LRBA: variants seen among roughly 807,000 people sequenced by gnomAD.
LRBA encodes lipopolysaccharide-responsive and beige-like anchor protein.
A neutral mutation model predicts 330.0 loss-of-function variants in LRBA; 176 were observed. The observed-to-expected ratio is 0.53, with a 90% CI of 0.47 to 0.60. LRBA has a LOEUF of 0.60. Ranked by LOEUF, LRBA falls within the 20% of genes least tolerant of loss-of-function variation. The pLI, the probability that LRBA is intolerant of heterozygous loss-of-function variation, is 0.00. For missense variants in LRBA, 3,259 were observed against 3,444.8 expected (o/e 0.95, Z 1.35); for synonymous variants, 1,230 against 1,193.0 (o/e 1.03, Z -0.64).
rs138067771 is a variant in LRBA at position 150,968,417 on chromosome 4, G to A, written c.217-39352C>T. Among the ~76,000 whole-genome samples the A allele has an allele frequency of 5.1e-3, 784 of 152,338 alleles. 5 individuals carry two copies. Among genetic ancestry groups the A allele is most frequent in the African/African-American group, 0.017 (719 of 41,582 alleles). On this transcript the variant is annotated intron_variant, in intron 2 of 56. Coordinates refer to ENST00000651943, the MANE Select transcript of LRBA (RefSeq NM_001364905.1). ...CTTGTGCCAAAATCCAAGTGTGAATGCAAAGGGAAAGTTCTTGAAGGAAAT... is the reference window on the plus strand; with the variant it reads ...CTTGTGCCAAAATCCAAGTGTGAATACAAAGGGAAAGTTCTTGAAGGAAAT...
intron 47 of LRBA, among the ~76,000 whole-genome samples, chr4:150,402,513 C>T (rs962976429): frequency 2.6e-5 from 4 of 152,028 alleles, no homozygotes; most frequent in African/African-American, 9.7e-5. Flanking sequence ...AAACCAGGTA[C>T]TATAGTCACG....
chr4:150,874,058 T>C (rs1753735788), intron 17 of LRBA, among the ~76,000 whole-genome samples: 1 of 152,190 alleles, frequency 6.6e-6, no homozygotes, highest in Non-Finnish European at 1.5e-5. Flanking sequence ...TTAAACCTTT[T>C]AAAAGAAATA....
chr4:150,477,970 G>C (rs1756900003), intron 42 of LRBA, among the ~76,000 whole-genome samples: 1 of 151,968 alleles, frequency 6.6e-6, no homozygotes, highest in South Asian at 2.1e-4. Context: ...AATACACTTG[G>C]CATCATATTT....
chr4:150,877,254 T>A, intron 17 of LRBA, among the ~76,000 whole-genome samples: 1 of 130,772 alleles, frequency 7.6e-6, no homozygotes, highest in East Asian at 2.2e-4. Flanking sequence ...CAAGACTCCG[T>A]ATCAAAAAAA....
chr4:150,302,062 C>A (rs1411764877), intron 53 of LRBA, among the ~76,000 whole-genome samples: 1 of 152,062 alleles, frequency 6.6e-6, no homozygotes, highest in African/African-American at 2.4e-5. Flanking sequence ...TAAATGGTTA[C>A]ACATTTTTTG....
At chr4:150,464,915 T>C (rs1391819449) in intron 44 of LRBA, among the ~76,000 whole-genome samples, 1 of 152,094 alleles carries the variant, frequency 6.6e-6, no homozygotes, top group Non-Finnish European at 1.5e-5. Context: ...TGGCAAAATA[T>C]ACATAACATA....
At chr4:150,343,490 G>A (rs2127021867) in intron 48 of LRBA, among the ~76,000 whole-genome samples, 1 of 152,252 alleles carries the variant, frequency 6.6e-6, no homozygotes, top group South Asian at 2.1e-4. Flanking sequence ...ACGAATATTT[G>A]TTGAATAAAT....
chr4:150,620,871 G>A (rs960999776), intron 37 of LRBA, among the ~76,000 whole-genome samples: 2 of 151,938 alleles, frequency 1.3e-5, no homozygotes, highest in African/African-American at 4.8e-5. Flanking sequence ...ACACTACTTG[G>A]GTGACTAGTG....
chr4:150,662,894 C>T (rs1226170671), intron 37 of LRBA, among the ~76,000 whole-genome samples: 1 of 152,116 alleles, frequency 6.6e-6, no homozygotes, highest in Non-Finnish European at 1.5e-5. Context: ...GAGGTCAAGA[C>T]TGCTGTGAGC....
At chr4:150,557,448 G>A (rs752777388) in intron 40 of LRBA, among the ~76,000 whole-genome samples, 12 of 151,602 alleles carry the variant, frequency 7.9e-5, no homozygotes, top group African/African-American at 1.2e-4. Context: ...ACTGTTAAGC[G>A]GACTCCATAT....
intron 46 of LRBA, chr4:150,423,458 C>A: frequency 1.7e-6 from 1 of 585,894 alleles, no homozygotes; most frequent in South Asian, 2.0e-5. Context: ...CAGCGGGCCC[C>A]ATTTCTTCAT....
intron 36 of LRBA, among the ~76,000 whole-genome samples, chr4:150,692,535 G>C (rs972174808): frequency 1.3e-5 from 2 of 152,064 alleles, no homozygotes; most frequent in Non-Finnish European, 2.9e-5. Flanking sequence ...TTTTTAAAAA[G>C]TGGATGGACA....
At chr4:150,644,567 T>C (rs574883962) in intron 37 of LRBA, among the ~76,000 whole-genome samples, 2 of 151,994 alleles carry the variant, frequency 1.3e-5, no homozygotes, top group South Asian at 2.1e-4. Context: ...GCAAAATCAA[T>C]AGACAATTAA....
intron 48 of LRBA, among the ~76,000 whole-genome samples, chr4:150,348,007 C>A (rs1736629348): frequency 1.3e-5 from 2 of 152,110 alleles, no homozygotes; most frequent in Admixed American, 1.3e-4. Flanking sequence ...GCATTTAGTT[C>A]CTTAGTCACA....
chr4:150,618,942 C>T (rs1162645445), intron 37 of LRBA, among the ~76,000 whole-genome samples: 1 of 150,924 alleles, frequency 6.6e-6, no homozygotes, highest in African/African-American at 2.4e-5. Flanking sequence ...GCACTTAAGT[C>T]TACTAAAAGA....
intron 17 of LRBA, among the ~76,000 whole-genome samples, chr4:150,889,211 T>C (rs1417537167): frequency 6.6e-6 from 1 of 152,106 alleles, no homozygotes; most frequent in East Asian, 1.9e-4. Flanking sequence ...ATGTCTAGTG[T>C]TCCATTATTG....
At chr4:150,867,231 T>G (rs2126985419) in intron 22 of LRBA, among the ~76,000 whole-genome samples, 1 of 152,112 alleles carries the variant, frequency 6.6e-6, no homozygotes, top group Middle Eastern at 3.4e-3. Flanking sequence ...CTTACGTTGC[T>G]AAAACAACTG....
At chr4:150,834,132 A>G (rs1747630633) in intron 28 of LRBA, among the ~76,000 whole-genome samples, 1 of 152,212 alleles carries the variant, frequency 6.6e-6, no homozygotes, top group African/African-American at 2.4e-5. Flanking sequence ...CATGGAAATC[A>G]TGAACTCCTA....
At chr4:150,335,536 A>C (rs1734603988) in intron 48 of LRBA, among the ~76,000 whole-genome samples, 1 of 149,328 alleles carries the variant, frequency 6.7e-6, no homozygotes, top group South Asian at 2.1e-4. Flanking sequence ...ATGTGTGTAT[A>C]TATATATATA....
Sources: allele counts gnomAD v4.1 joint callset (sites outside exome capture counted in the v4.1 genomes callset), GRCh38; gene constraint gnomAD v4.1.1; transcripts MANE v1.5; gene names NCBI Gene and HGNC (gene_info 2026-07-23, HGNC 2026-07-21).